ITGA2: variants seen among roughly 807,000 people sequenced by gnomAD.
The protein encoded by ITGA2 is integrin alpha-2.
Under a neutral mutation model 146.3 loss-of-function variants are expected in ITGA2, and 101 were observed. The observed-to-expected ratio is 0.69, with a 90% CI of 0.59 to 0.81. The LOEUF is 0.81. Ranked by LOEUF, ITGA2 falls within the 40% of genes least tolerant of loss-of-function variation. ITGA2 has a pLI of 0.00. For missense variants in ITGA2, 1,281 were observed against 1,402.7 expected, an observed-to-expected ratio of 0.91 and a Z score of 1.39; for synonymous variants, 477 against 487.1, an observed-to-expected ratio of 0.98 and a Z score of 0.27.
intron 1 of ITGA2, among the ~76,000 whole-genome samples, chr5:53,007,367 C>A (rs1235755609): frequency 6.6e-6 from 1 of 152,076 alleles, no homozygotes; most frequent in African/African-American, 2.4e-5. Context: ...AAAAGAAATA[C>A]TAACTTCAGT....
At chr5:53,072,986 T>C in intron 19 of ITGA2, 132 bp from the exon 20 acceptor site, 1 of 890,364 alleles carries the variant, frequency 1.1e-6, no homozygotes, top group Non-Finnish European at 1.8e-6. Context: ...AAAGATAGTT[T>C]ATTACACAGC....
At chr5:53,062,222 A>C (rs1008845280) in intron 12 of ITGA2, among the ~76,000 whole-genome samples, 4 of 150,606 alleles carry the variant, frequency 2.7e-5, no homozygotes, top group African/African-American at 9.8e-5. Flanking sequence ...TGCCTAGAAA[A>C]CTCCATGTCC....
At position 53,055,032 on chromosome 5, in the gene ITGA2, G is replaced by T. The variant is rs76434326; in HGVS notation, c.780-506G>T. On this transcript the variant is annotated intron_variant, in intron 7 of 29. Transcript: ENST00000296585. ...TTACATCTAAATAAAACATTTTCTA[G>T]AAGGAAATGCAAGAAACTGATAATG... Among the ~76,000 whole-genome samples the T allele has an allele frequency of 2.3e-3, 352 of 152,140 alleles. 12 individuals are homozygous for T. The East Asian group carries it at 0.061, about 27-fold the overall frequency.
Position 53,059,927 on chromosome 5 carries a change from C to A in ITGA2, c.1227C>A (p.Val409=). ...CTTTTGGCTGGAGTGGGACCATTGT[C>A]CAGAAGACATCTCATGGCCATTTGA... is the stretch of plus-strand genomic sequence containing the variant. ...VGAFGWSGTI[V]QKTSHGHLIF... Residue 409 remains valine (V), a synonymous_variant, in exon 11 of 30, where the codon GTC becomes GTA. Transcript: ENST00000296585. The A allele has an allele frequency of 6.2e-7, 1 of 1,612,146 alleles. No homozygotes were observed. The highest frequency in any genetic ancestry group is 1.1e-5 in the South Asian group (1 of 91,060).
chr5:53,023,657 C>T (rs183265732), intron 1 of ITGA2, among the ~76,000 whole-genome samples: 3 of 152,212 alleles, frequency 2.0e-5, no homozygotes, highest in Non-Finnish European at 4.4e-5. Flanking sequence ...TATGTATAGA[C>T]ACATGGGCAT....
intron 16 of ITGA2, among the ~76,000 whole-genome samples, chr5:53,068,575 C>T (rs1226929973): frequency 6.6e-6 from 1 of 151,872 alleles, no homozygotes; most frequent in Non-Finnish European, 1.5e-5. Flanking sequence ...TCCTTCCCAT[C>T]CACAGGCTGC....
In ITGA2 at chr5:53,083,438, C is replaced by A. The variant is rs766867878; in HGVS notation, c.3243C>A (p.Asn1081Lys). ...YFVNVTTRIW[N>K]GTFASSTFQT... Reference sequence around the variant, plus strand: ...TTAATGTGACTACCAGAATTTGGAACGGGACTTTCGCATCAGTAAGTATCA... The same window carrying A: ...TTAATGTGACTACCAGAATTTGGAAAGGGACTTTCGCATCAGTAAGTATCA... Residue 1081 changes from asparagine (N) to lysine (K), a missense_variant, in exon 27 of 30, where the codon AAC (asparagine) becomes AAA (lysine). Asn to Lys is a moderately conservative substitution (Grantham distance 94). Coordinates refer to ENST00000296585, the MANE Select transcript of ITGA2 (RefSeq NM_002203.4). 1 of 1,596,098 alleles carries A rather than the reference C, an allele frequency of 6.3e-7. No individual in the cohort carries two copies. Among genetic ancestry groups the A allele is most frequent in the Admixed American group, 1.7e-5 (1 of 59,978 alleles).
In ITGA2 at chr5:53,017,414, C is replaced by A. The variant is rs569077228; in HGVS notation, c.65-9334C>A. Among the ~76,000 whole-genome samples, 40 of 152,314 alleles carry A rather than the reference C, an allele frequency of 2.6e-4. 1 individual carries two copies. The East Asian group carries it at 4.6e-3, about 18-fold the overall frequency. On this transcript the variant is annotated intron_variant, in intron 1 of 29. Transcript: ENST00000296585. ...CTGAGGAACTGGCATTGGGCCCCCCCGCTTTGTTCTCTGGTCTTTCAAGGT... is the reference window on the plus strand; with the variant it reads ...CTGAGGAACTGGCATTGGGCCCCCCAGCTTTGTTCTCTGGTCTTTCAAGGT...
rs377286742 is a variant in ITGA2 at position 53,016,677 on chromosome 5, T to A, written c.65-10071T>A. 2.0e-4 allele frequency among the ~76,000 whole-genome samples: 31 copies of A among 152,354 alleles called. No individual in the cohort carries two copies. The South Asian group carries it at 5.6e-3, about 27-fold the overall frequency. ...TTTTCACGGATGATATCCTCAAATA[T>A]GTTTTCCAAGTTGCTTTCTTTCTTT... is the stretch of plus-strand genomic sequence containing the variant. On this transcript the variant is annotated intron_variant, in intron 1 of 29. Transcript: ENST00000296585.
At chr5:53,048,327 T>C (rs368222567) in intron 4 of ITGA2, 36 bp from the exon 5 acceptor site, 95 of 1,498,744 alleles carry the variant, frequency 6.3e-5, no homozygotes, top group Non-Finnish European at 8.6e-5. Flanking sequence ...GCATTTTTCA[T>C]GTGTTTCCAT....
chr5:53,059,594 T>G (rs1179906273), intron 10 of ITGA2, among the ~76,000 whole-genome samples: 1 of 151,948 alleles, frequency 6.6e-6, no homozygotes, highest in African/African-American at 2.4e-5. Flanking sequence ...AAGGGAAATT[T>G]GAAGATGGCT....
chr5:53,060,832 C>T, intron 11 of ITGA2, 69 bp from the exon 12 acceptor site: 1 of 1,457,112 alleles, frequency 6.9e-7, no homozygotes, highest in African/African-American at 1.4e-5. Flanking sequence ...GTCACCTTTA[C>T]TCACTTCTTT....
intron 1 of ITGA2, among the ~76,000 whole-genome samples, chr5:52,991,711 T>G (rs1740962612): frequency 6.6e-6 from 1 of 152,198 alleles, no homozygotes; most frequent in Non-Finnish European, 1.5e-5. Context: ...CAAATCTTAT[T>G]TTAACACTTA....
intron 2 of ITGA2, among the ~76,000 whole-genome samples, chr5:53,032,418 A>G (rs954232500): frequency 1.3e-5 from 2 of 152,184 alleles, no homozygotes; most frequent in African/African-American, 4.8e-5. Context: ...TGTAATACCC[A>G]TAATTACTCT....
Position 53,073,099 on chromosome 5 carries a change from TC to T in ITGA2, c.2430-17del. The T allele has an allele frequency of 1.2e-6, 2 of 1,610,688 alleles. No individual in the cohort carries two copies. The highest frequency in any genetic ancestry group is 1.7e-6 in the Non-Finnish European group (2 of 1,177,840). ...TTTAACAGTAATGGCTTTTCCCCCC[TC>T]CTTTTTACTTTTAACAGAGAACAAC... On this transcript the variant is annotated intron_variant, in intron 19 of 29. Transcript: ENST00000296585.
chr5:53,039,142 A>G (rs939929038), intron 2 of ITGA2, among the ~76,000 whole-genome samples: 1 of 152,190 alleles, frequency 6.6e-6, no homozygotes, highest in Non-Finnish European at 1.5e-5. Flanking sequence ...AAATTAGATA[A>G]TCTTTGGAAA....
chr5:53,024,517 G>A (rs1348170522), intron 1 of ITGA2, among the ~76,000 whole-genome samples: 1 of 152,174 alleles, frequency 6.6e-6, no homozygotes, highest in Non-Finnish European at 1.5e-5. Flanking sequence ...TTCTCAAGGA[G>A]CTTACATTTT....
intron 3 of ITGA2, among the ~76,000 whole-genome samples, chr5:53,044,634 G>GA (rs373213394): frequency 4.8e-4 from 66 of 138,324 alleles, no homozygotes; most frequent in South Asian, 9.0e-4. Context: ...TACTGACCCA[G>GA]AAAAAAAAAA....
At chr5:53,004,138 C>T (rs943246246) in intron 1 of ITGA2, among the ~76,000 whole-genome samples, 1 of 152,024 alleles carries the variant, frequency 6.6e-6, no homozygotes, top group Non-Finnish European at 1.5e-5. Context: ...AGAGTGACAA[C>T]CAAAAATATG....
Sources: allele counts gnomAD v4.1 joint callset (sites outside exome capture counted in the v4.1 genomes callset), GRCh38; gene constraint gnomAD v4.1.1; transcripts MANE v1.5; gene names NCBI Gene and HGNC (gene_info 2026-07-23, HGNC 2026-07-21).